The following ARHGAP21 variants were observed in gnomAD, a reference collection of about 807,000 sequenced individuals.
ARHGAP21 encodes the protein Rho GTPase activating protein 21.
ARHGAP21 carries 38 observed loss-of-function variants against 164.6 expected under a neutral mutation model. The observed-to-expected ratio is 0.23, with a 90% CI of 0.18 to 0.30. The LOEUF (loss-of-function observed/expected upper bound fraction) is 0.30, where lower values mean the gene tolerates loss of function less well. Among genes scored for constraint, ARHGAP21 ranks in the 10% least tolerant of loss-of-function variants. The pLI, the probability that ARHGAP21 is intolerant of heterozygous loss-of-function variation, is 1.00. For synonymous variants in ARHGAP21, 766 were observed against 857.9 expected, an observed-to-expected ratio of 0.89 and a Z score of 1.87; for missense variants, 1,822 against 2,370.7, an observed-to-expected ratio of 0.77 and a Z score of 4.81.
At chr10:24,622,406 C>T (rs1834636031) in intron 8 of ARHGAP21, among the ~76,000 whole-genome samples, 1 of 133,614 alleles carries the variant, frequency 7.5e-6, no homozygotes, top group Admixed American at 8.3e-5. Context: ...GTAGTAGTGA[C>T]AGGAAGAGGG....
chr10:24,607,608 T>G lies in ARHGAP21; in HGVS notation c.2582-7A>C. ...CTAGGAGGGCCAACAGATTCTGTAA[T>G]TAATTAAAATCCAATATTTAGACAT... On this transcript the variant is annotated splice_region_variant and splice_polypyrimidine_tract_variant and intron_variant, in intron 10 of 25. Transcript: ENST00000396432. The G allele has an allele frequency of 6.2e-7, 1 of 1,613,398 alleles. No homozygotes were observed. The highest frequency in any genetic ancestry group is 8.5e-7 in the Non-Finnish European group (1 of 1,179,422).
rs749528624 is a variant in ARHGAP21 at position 24,607,748 on chromosome 10, G to A, written c.2578C>T (p.His860Tyr). Reference protein sequence around the residue: ...PLIRRQLSHDHESVGPPSLDA... With the variant: ...PLIRRQLSHDYESVGPPSLDA... ...CAAAACCACCCTTTAGACGTACCGT[G>A]GTCATGTGAGAGCTGACGGCGAATT... Residue 860 changes from histidine (H) to tyrosine (Y), a missense_variant, in exon 10 of 26, where the codon CAC becomes TAC. Physicochemically the swap from His to Tyr is moderately conservative, Grantham distance 83. Transcript: ENST00000396432. 1 of 1,613,896 alleles carries A rather than the reference G, an allele frequency of 6.2e-7. No homozygotes were observed. The highest frequency in any genetic ancestry group is 8.5e-7 in the Non-Finnish European group (1 of 1,179,902).
In ARHGAP21 at chr10:24,596,741, C is replaced by A; in HGVS notation, c.3476G>T (p.Arg1159Leu). 6.2e-7 allele frequency: 1 copy of A among 1,613,474 alleles called. No individual in the cohort carries two copies. Among genetic ancestry groups the A allele is most frequent in the Non-Finnish European group, 8.5e-7 (1 of 1,179,804 alleles). ...ATCCGGTGGGCTGGTGTCTCCTACCCGATTAGTATGAGCTGGTGGGCAGTC... is the reference window on the plus strand; with the variant it reads ...ATCCGGTGGGCTGGTGTCTCCTACCAGATTAGTATGAGCTGGTGGGCAGTC... ...LDDCPPAHTN[R>L]YIPLIVDICC... is the part of the protein sequence containing the mutation. Residue 1159 changes from arginine (R) to leucine (L), a missense_variant and splice_region_variant, in exon 17 of 26, where the codon CGG (arginine) becomes CTG (leucine). This residue lies in a region of ARHGAP21 where 117 missense variants were observed against 238.1 expected (regional missense o/e 0.49). Transcript: ENST00000396432.
At chr10:24,590,133 G>C in intron 24 of ARHGAP21, 1 of 1,296,944 alleles carries the variant, frequency 7.7e-7, no homozygotes, top group South Asian at 2.1e-5. Flanking sequence ...GAATTAATGA[G>C]CTGAGCCCCA....
Position 24,590,749 on chromosome 10 carries a change from A to G in ARHGAP21, c.4150+476T>C, listed in dbSNP as rs1028210996. On this transcript the variant is annotated intron_variant, in intron 24 of 25. Coordinates refer to ENST00000396432, the MANE Select transcript of ARHGAP21 (RefSeq NM_020824.4). ...CAAATAATACACTGTATTTATGAAAATGTATTTATGAAAATGGTGCCCATT... is the reference window on the plus strand; with the variant it reads ...CAAATAATACACTGTATTTATGAAAGTGTATTTATGAAAATGGTGCCCATT... The G allele has an allele frequency of 3.0e-6, 3 of 985,132 alleles. No homozygotes were observed. The African/African-American group carries it at 5.2e-5, about 17-fold the overall frequency. 61.0% of individuals were successfully genotyped at this position (985,132 alleles called of 1,614,324 possible).
intron 2 of ARHGAP21, among the ~76,000 whole-genome samples, chr10:24,680,046 A>C (rs1245675840): frequency 2.6e-5 from 4 of 152,190 alleles, no homozygotes; most frequent in Non-Finnish European, 5.9e-5. Flanking sequence ...AAAAAAGAAG[A>C]AAAGAAAAAA....
chr10:24,607,413 A>G (rs1421031123), intron 11 of ARHGAP21, 86 bp downstream of exon 11: 1 of 1,079,474 alleles, frequency 9.3e-7, no homozygotes, highest in African/African-American at 1.6e-5. Flanking sequence ...AACATAAGAC[A>G]TCATTAAATT....
chr10:24,612,040 C>T (rs2077284876), intron 9 of ARHGAP21, among the ~76,000 whole-genome samples: 3 of 152,128 alleles, frequency 2.0e-5, no homozygotes, highest in Non-Finnish European at 1.5e-5. Context: ...TTATGAGGCA[C>T]GTTTCTCACA....
At chr10:24,717,060 AAGTG>A (rs918027577) in intron 2 of ARHGAP21, among the ~76,000 whole-genome samples, 14 of 152,300 alleles carry the variant, frequency 9.2e-5, no homozygotes, top group African/African-American at 3.4e-4. Context: ...AAAGAAATAT[AAGTG>A]AGTGTGTGTG....
chr10:24,608,543 C>T (rs2077127941), intron 9 of ARHGAP21, among the ~76,000 whole-genome samples: 2 of 151,978 alleles, frequency 1.3e-5, no homozygotes, highest in African/African-American at 4.8e-5. Context: ...ATTAAATGCC[C>T]CAGAATAAAA....
chr10:24,592,110 A>C, intron 21 of ARHGAP21, 98 bp from the exon 22 acceptor site: 1 of 1,167,070 alleles, frequency 8.6e-7, no homozygotes, highest in South Asian at 2.4e-5. Context: ...GAATAAACAG[A>C]AAAATAGCTT....
At chr10:24,663,822 C>T (rs111608542) in intron 4 of ARHGAP21, among the ~76,000 whole-genome samples, 2,613 of 152,310 alleles carry the variant, frequency 0.017, 66 homozygotes, top group African/African-American at 0.052. Context: ...AGCCACTGTG[C>T]CCAACCCAGA....
intron 2 of ARHGAP21, among the ~76,000 whole-genome samples, chr10:24,712,000 G>A (rs1844876171): frequency 6.6e-6 from 1 of 151,884 alleles, no homozygotes; most frequent in Non-Finnish European, 1.5e-5. Context: ...CACAACCTCC[G>A]CCACTTGGAT....
At chr10:24,608,043 C>A (rs2077105172) in intron 9 of ARHGAP21, 140 bp from the exon 10 acceptor site, 1 of 656,428 alleles carries the variant, frequency 1.5e-6, no homozygotes, top group Admixed American at 3.6e-5. Flanking sequence ...ATGACCTATT[C>A]AGTCTGCTAA....
chr10:24,648,727 C>T (rs1056795535), intron 4 of ARHGAP21: 187 of 850,380 alleles, frequency 2.2e-4, no homozygotes, highest in Non-Finnish European at 2.4e-4. Flanking sequence ...TGCAGTGAGC[C>T]GAGATGGTGC....
At chr10:24,609,031 A>G (rs2077148100) in intron 9 of ARHGAP21, among the ~76,000 whole-genome samples, 1 of 152,198 alleles carries the variant, frequency 6.6e-6, no homozygotes, top group African/African-American at 2.4e-5. Flanking sequence ...TTCAAATGAT[A>G]CATCATATAA....
rs147355789 is a variant in ARHGAP21, at chr10:24,635,255, G to A, written c.269-152C>T. On this transcript the variant is annotated intron_variant, in intron 4 of 25. Coordinates refer to ENST00000396432, the MANE Select transcript of ARHGAP21 (RefSeq NM_020824.4). ...TTGGATGCTAAAATTATAATGTAGG[G>A]GTTTTCATTTAATTCAAACATTTAT... The A allele has an allele frequency of 1.9e-3, 962 of 505,886 alleles. 13 individuals are homozygous for A. The East Asian group carries it at 0.026, about 14-fold the overall frequency. 31.3% of individuals were successfully genotyped at this position (505,886 alleles called of 1,614,324 possible). A position where few individuals can be genotyped will look rare whatever the true frequency, so the allele number is the denominator to read the frequency against.
At chr10:24,631,945 T>G (rs1025775084) in intron 6 of ARHGAP21, among the ~76,000 whole-genome samples, 1 of 152,074 alleles carries the variant, frequency 6.6e-6, no homozygotes, top group Non-Finnish European at 1.5e-5. Flanking sequence ...GGTATCAAAC[T>G]CCTAGGCTCA....
Position 24,644,608 on chromosome 10 carries a change from A to C in ARHGAP21, c.269-9505T>G, listed in dbSNP as rs143549141. Among the ~76,000 whole-genome samples the C allele has an allele frequency of 2.8e-4, 42 of 152,174 alleles. No homozygotes were observed. In the East Asian group the frequency reaches 7.9e-3, roughly 29 times the overall value. On this transcript the variant is annotated intron_variant, in intron 4 of 25. Transcript: ENST00000396432. ...GTCCAACTGTATCCCTTTAGTCCAA[A>C]TCCTAATGAATTCTCTAAGACAAAG...
Sources: gnomAD v4.1 joint callset for allele counts (sites outside exome capture counted in the v4.1 genomes callset) on GRCh38, gnomAD v4.1.1 for gene constraint, gnomAD v4.1.1 regional missense constraint, MANE v1.5 for transcripts, NCBI Gene and HGNC (gene_info 2026-07-23, HGNC 2026-07-21) for gene names.